The following PTPRK variants were observed in gnomAD, a reference collection of about 807,000 sequenced individuals.
PTPRK encodes the protein protein tyrosine phosphatase receptor type K.
PTPRK carries 75 observed loss-of-function variants against 178.0 expected under a neutral mutation model. The ratio of observed to expected loss-of-function variants is 0.42; its 90% CI spans 0.35 to 0.51. The LOEUF (loss-of-function observed/expected upper bound fraction) is 0.51. PTPRK is among the 20% of genes least tolerant of loss of function. The pLI is 0.02. For missense variants in PTPRK, 1,441 were observed against 1,797.8 expected (o/e 0.80, Z 3.59); for synonymous variants, 637 against 620.6 (o/e 1.03, Z -0.39).
intron 17 of PTPRK, among the ~76,000 whole-genome samples, 172 bp from the exon 18 acceptor site, chr6:127,995,710 A>G (rs758094408): frequency 6.6e-6 from 1 of 152,026 alleles, no homozygotes. Context: ...TTGCTATTAC[A>G]CTTATAATAT....
chr6:128,504,937 A>G (rs2128439544), intron 1 of PTPRK, among the ~76,000 whole-genome samples: 1 of 152,226 alleles, frequency 6.6e-6, no homozygotes, highest in Admixed American at 6.5e-5. Context: ...TAAGTGAGTC[A>G]CGATTCTGGG....
chr6:127,976,326 T>C (rs1774589026), intron 27 of PTPRK, among the ~76,000 whole-genome samples: 1 of 152,216 alleles, frequency 6.6e-6, no homozygotes, highest in South Asian at 2.1e-4. Context: ...GGGCTGGATG[T>C]CAATACTAAT....
intron 2 of PTPRK, among the ~76,000 whole-genome samples, chr6:128,390,764 A>G (rs1044233919): frequency 6.6e-6 from 1 of 152,144 alleles, no homozygotes; most frequent in Non-Finnish European, 1.5e-5. Flanking sequence ...CACTCCACTT[A>G]TCTCCGAAAT....
chr6:128,272,298 G>T lies in PTPRK; in HGVS notation c.496-29696C>A, dbSNP rs371367681. On this transcript the variant is annotated intron_variant, in intron 3 of 29. Transcript: ENST00000368226. ...AATACCATTCAGGACACAGGCATGGGCAAGGACCTCATGACTAAAACACCA... is the reference window on the plus strand; with the variant it reads ...AATACCATTCAGGACACAGGCATGGTCAAGGACCTCATGACTAAAACACCA... Among the ~76,000 whole-genome samples the T allele has an allele frequency of 1.4e-4, 22 of 152,202 alleles. No homozygotes were observed. In the South Asian group the frequency reaches 4.6e-3, roughly 32 times the overall value.
chr6:128,375,455 T>C (rs958488326), intron 2 of PTPRK, among the ~76,000 whole-genome samples: 1 of 151,674 alleles, frequency 6.6e-6, no homozygotes, highest in African/African-American at 2.4e-5. Flanking sequence ...ATCACGAGAA[T>C]AGCATGGGAA....
At chr6:128,388,662 T>A (rs372361724) in intron 2 of PTPRK, among the ~76,000 whole-genome samples, 2 of 152,226 alleles carry the variant, frequency 1.3e-5, no homozygotes, top group South Asian at 4.1e-4. Context: ...TAGCCTTGCC[T>A]TTCCCAAGAC....
At chr6:128,309,365 A>T (rs1826905022) in intron 3 of PTPRK, among the ~76,000 whole-genome samples, 1 of 152,072 alleles carries the variant, frequency 6.6e-6, no homozygotes, top group South Asian at 2.1e-4. Context: ...CCTGGAACAA[A>T]GCTGATGGCA....
intron 4 of PTPRK, chr6:128,241,282 G>A (rs1425694137): frequency 1.9e-6 from 1 of 533,252 alleles, no homozygotes; most frequent in African/African-American, 1.9e-5. Context: ...TAAAGCAGCA[G>A]TTCTCAATTT....
intron 5 of PTPRK, among the ~76,000 whole-genome samples, chr6:128,219,868 AATG>A (rs1810080750): frequency 6.6e-6 from 1 of 152,232 alleles, no homozygotes; most frequent in Non-Finnish European, 1.5e-5. Flanking sequence ...CTGGCCACAG[AATG>A]ATAATAAACT....
At chr6:128,036,690 C>T (rs977324247) in intron 13 of PTPRK, among the ~76,000 whole-genome samples, 1 of 151,002 alleles carries the variant, frequency 6.6e-6, no homozygotes, top group African/African-American at 2.4e-5. Context: ...ACCATTCATC[C>T]TTGATCATTT....
intron 2 of PTPRK, among the ~76,000 whole-genome samples, chr6:128,323,329 C>G (rs1829093825): frequency 2.0e-5 from 3 of 152,054 alleles, no homozygotes; most frequent in African/African-American, 7.2e-5. Context: ...ACACATATCA[C>G]AAAAATGCAA....
chr6:128,447,945 G>A (rs186226540), intron 1 of PTPRK, among the ~76,000 whole-genome samples: 31 of 152,146 alleles, frequency 2.0e-4, no homozygotes, highest in Non-Finnish European at 3.8e-4. Context: ...GATAAGAAAC[G>A]CCTGTAGCAC....
rs759046138 is a variant in PTPRK at position 128,242,606 on chromosome 6, T to A, written c.496-4A>T. The A allele has an allele frequency of 1.9e-6, 3 of 1,610,926 alleles. No homozygotes were observed. The highest frequency in any genetic ancestry group is 2.5e-6 in the Non-Finnish European group (3 of 1,179,080). On this transcript the variant is annotated splice_polypyrimidine_tract_variant and splice_region_variant and intron_variant, in intron 3 of 29. Coordinates refer to ENST00000368226, the MANE Select transcript of PTPRK (RefSeq NM_002844.4). ...AGACTTCAGCTTCAAATATTACCTGTCAAAAAGAAACAGAAAATATTTACA... is the reference window on the plus strand; with the variant it reads ...AGACTTCAGCTTCAAATATTACCTGACAAAAAGAAACAGAAAATATTTACA...
At chr6:128,187,217 T>C (rs1802933848) in intron 6 of PTPRK, among the ~76,000 whole-genome samples, 1 of 150,820 alleles carries the variant, frequency 6.6e-6, no homozygotes, top group African/African-American at 2.4e-5. Flanking sequence ...GAGCAAAAGA[T>C]GAGAGAGGAA....
intron 6 of PTPRK, among the ~76,000 whole-genome samples, chr6:128,216,843 C>T (rs1412783981): frequency 6.6e-6 from 1 of 152,020 alleles, no homozygotes; most frequent in African/African-American, 2.4e-5. Context: ...AAAGCATAAA[C>T]AGGTCTTCTA....
intron 7 of PTPRK, among the ~76,000 whole-genome samples, chr6:128,134,325 T>C (rs1461436595): frequency 6.6e-6 from 1 of 152,212 alleles, no homozygotes; most frequent in Non-Finnish European, 1.5e-5. Context: ...TGATCTTTTC[T>C]AGAGAGATTT....
intron 7 of PTPRK, among the ~76,000 whole-genome samples, chr6:128,156,903 G>A (rs937111168): frequency 1.3e-5 from 2 of 151,822 alleles, no homozygotes; most frequent in Admixed American, 1.3e-4. Context: ...CAGACTGCCT[G>A]AGTCCTTTTA....
At chr6:128,416,389 C>A (rs1262828164) in intron 1 of PTPRK, among the ~76,000 whole-genome samples, 1 of 151,618 alleles carries the variant, frequency 6.6e-6, no homozygotes, top group Non-Finnish European at 1.5e-5. Context: ...CACCTGTAAT[C>A]CCAGCACTTT....
Position 128,322,020 on chromosome 6 carries a change from G to T in PTPRK, c.495+19C>A. On this transcript the variant is annotated intron_variant, in intron 3 of 29. Coordinates refer to ENST00000368226, the MANE Select transcript of PTPRK (RefSeq NM_002844.4). Reference sequence around the variant, plus strand: ...ACTGATGACATCAAAACATACACCAGAAAAGTACAGATGATTACCTGATAT... The same window carrying T: ...ACTGATGACATCAAAACATACACCATAAAAGTACAGATGATTACCTGATAT... 1 of 1,613,704 alleles carries T rather than the reference G, an allele frequency of 6.2e-7. No individual in the cohort carries two copies. The highest frequency in any genetic ancestry group is 1.3e-5 in the African/African-American group (1 of 75,004).
Sources: gnomAD v4.1 joint callset for allele counts (sites outside exome capture counted in the v4.1 genomes callset) on GRCh38, gnomAD v4.1.1 for gene constraint, MANE v1.5 for transcripts, NCBI Gene and HGNC (gene_info 2026-07-23, HGNC 2026-07-21) for gene names.